The following PCDHGB4 variants were observed in gnomAD, a reference collection of about 807,000 sequenced individuals.
PCDHGB4 encodes the protein protocadherin gamma subfamily B, 4.
A neutral mutation model predicts 60.5 loss-of-function variants in PCDHGB4; 38 were observed. The ratio of observed to expected loss-of-function variants is 0.63; its 90% CI spans 0.48 to 0.82. The LOEUF is 0.82. PCDHGB4 is among the 40% of genes least tolerant of loss of function. PCDHGB4 has a pLI of 0.00. For missense variants in PCDHGB4, 1,109 were observed against 1,209.6 expected (o/e 0.92, Z 1.23); for synonymous variants, 456 against 509.7 (o/e 0.89, Z 1.42).
intron 1 of PCDHGB4, chr5:141,394,832 C>G: frequency 1.9e-6 from 3 of 1,613,828 alleles, no homozygotes; most frequent in Non-Finnish European, 2.5e-6. Context: ...AAGTCCTGAC[C>G]GAGTTGGGCA....
At chr5:141,444,471 G>A (rs929365899) in intron 1 of PCDHGB4, among the ~76,000 whole-genome samples, 1 of 151,876 alleles carries the variant, frequency 6.6e-6, no homozygotes, top group Non-Finnish European at 1.5e-5. Flanking sequence ...GCGCCCGGTC[G>A]CGTACTGGAT....
chr5:141,444,146 T>C (rs2098418879), intron 1 of PCDHGB4, among the ~76,000 whole-genome samples: 2 of 145,824 alleles, frequency 1.4e-5, no homozygotes, highest in South Asian at 4.3e-4. Flanking sequence ...CACTTGTGTG[T>C]ACTGGATTTT....
chr5:141,496,981 T>A (rs928774783), intron 2 of PCDHGB4, among the ~76,000 whole-genome samples: 1 of 150,304 alleles, frequency 6.7e-6, no homozygotes, highest in African/African-American at 2.5e-5. Context: ...AGGTCAGGGG[T>A]TTGAGACCAG....
chr5:141,404,630 C>T (rs1391155615), intron 1 of PCDHGB4: 1 of 1,614,154 alleles, frequency 6.2e-7, no homozygotes, highest in Admixed American at 1.7e-5. Flanking sequence ...TGACAATGCC[C>T]CAGAAATCCT....
At position 141,431,952 on chromosome 5, in the gene PCDHGB4, AC is replaced by A; in HGVS notation, c.2397+41672del. ...CTGCCCTTTAAATTAGAAAAATCTTACGGAAATTACTATAGTTTAGTCACAG... is the reference window on the plus strand; with the variant it reads ...CTGCCCTTTAAATTAGAAAAATCTTAGGAAATTACTATAGTTTAGTCACAG... On this transcript the variant is annotated intron_variant, in intron 1 of 3. Transcript: ENST00000519479. This position sits in a 1 kb window ranked among gnomAD's most constrained non-coding sequence, Gnocchi z 4.8. 1 of 1,614,166 alleles carries A rather than the reference AC, an allele frequency of 6.2e-7. No homozygotes were observed. The highest frequency in any genetic ancestry group is 1.1e-5 in the South Asian group (1 of 91,090).
intron 1 of PCDHGB4, chr5:141,479,313 G>C (rs926148640): frequency 2.0e-5 from 3 of 152,456 alleles, no homozygotes; most frequent in Non-Finnish European, 2.9e-5. Context: ...AAAACATAAA[G>C]TAGCCAGACT....
chr5:141,452,654 T>C (rs2098746449), intron 1 of PCDHGB4, among the ~76,000 whole-genome samples: 1 of 151,162 alleles, frequency 6.6e-6, no homozygotes, highest in Non-Finnish European at 1.5e-5. Context: ...ATTTGCTCCA[T>C]CCACTGCACT....
chr5:141,503,367 C>T (rs1038565489), intron 2 of PCDHGB4, among the ~76,000 whole-genome samples: 5 of 151,908 alleles, frequency 3.3e-5, no homozygotes, highest in African/African-American at 9.7e-5. Flanking sequence ...GAAGCGGAGG[C>T]AGGTGGATCA....
chr5:141,432,803 G>T lies in PCDHGB4; in HGVS notation c.2397+42522G>T, dbSNP rs751950423. 3 of 1,614,160 alleles carry T rather than the reference G, an allele frequency of 1.9e-6. No homozygotes were observed. The highest frequency in any genetic ancestry group is 2.2e-5 in the East Asian group (1 of 44,874). ...GGACCTCGGCAGCCTCGAGTCTCCA[G>T]CTAACTCTGAAACCTCAGACCTCAC... On this transcript the variant is annotated intron_variant, in intron 1 of 3. Coordinates refer to ENST00000519479, the MANE Select transcript of PCDHGB4 (RefSeq NM_003736.4). This position sits in a 1 kb window ranked among gnomAD's most constrained non-coding sequence, Gnocchi z 6.0.
intron 1 of PCDHGB4, chr5:141,395,542 TTG>T (rs55729045): frequency 0.047 from 8,055 of 172,168 alleles, 192 homozygotes; most frequent in African/African-American, 0.072. Flanking sequence ...TTGCTATTGT[TTG>T]TGTGTGTGTG....
In PCDHGB4 at chr5:141,511,032, G is replaced by A; in HGVS notation, c.2631G>A (p.Gln877=). 1.2e-6 allele frequency: 2 copies of A among 1,614,228 alleles called. No homozygotes were observed. The highest frequency in any genetic ancestry group is 2.2e-5 in the East Asian group (1 of 44,888). The change falls in exon 4 of 4, where the codon CAG becomes CAA. Residue 877 remains glutamine, a synonymous_variant. Transcript: ENST00000519479. Reference sequence around the variant, plus strand: ...GCTACGGACCCCAGTTCACCCTGCAGCACGTGCCCGACTACCGCCAGAATG... The same window carrying A: ...GCTACGGACCCCAGTTCACCCTGCAACACGTGCCCGACTACCGCCAGAATG... ...SARYGPQFTL[Q]HVPDYRQNVY...
intron 1 of PCDHGB4, among the ~76,000 whole-genome samples, chr5:141,482,329 T>C (rs1334833454): frequency 6.6e-6 from 1 of 152,160 alleles, no homozygotes; most frequent in Non-Finnish European, 1.5e-5. Context: ...ATAAAGAGAA[T>C]ATCTACTTTG....
chr5:141,398,711 C>T, intron 1 of PCDHGB4: 2 of 1,613,822 alleles, frequency 1.2e-6, no homozygotes, highest in South Asian at 1.1e-5. Context: ...CCGGAACTGG[C>T]ACTGGAGAAA....
At position 141,410,277 on chromosome 5, in the gene PCDHGB4, T is replaced by C. The variant is rs1461250700; in HGVS notation, c.2397+19996T>C. 2.5e-6 allele frequency: 4 copies of C among 1,614,014 alleles called. No homozygotes were observed. In the Admixed American group the frequency reaches 6.7e-5, roughly 27 times the overall value. ...CCCCAGGCTGAACTGCAGTTTTACC[T>C]GGTGGTGGCCTTGGCCTTAATCTCA... On this transcript the variant is annotated intron_variant, in intron 1 of 3. Transcript: ENST00000519479.
At chr5:141,443,166 C>G (rs914863821) in intron 1 of PCDHGB4, among the ~76,000 whole-genome samples, 1 of 152,124 alleles carries the variant, frequency 6.6e-6, no homozygotes, top group African/African-American at 2.4e-5. Flanking sequence ...ATTTCCCTAC[C>G]CATGTCCACT....
At position 141,432,686 on chromosome 5, in the gene PCDHGB4, G is replaced by T. The variant is rs2097528577; in HGVS notation, c.2397+42405G>T. ...CAGAGACGCGCTCAAGCAGAGCCTC[G>T]TAGTGGCCGTCCAGGACCACGGCCA... On this transcript the variant is annotated intron_variant, in intron 1 of 3. Transcript: ENST00000519479. The surrounding 1 kb of genome is among the most constrained non-coding windows in gnomAD (Gnocchi z 6.0). 6.2e-7 allele frequency: 1 copy of T among 1,613,922 alleles called. No individual in the cohort carries two copies. Among genetic ancestry groups the T allele is most frequent in the Non-Finnish European group, 8.5e-7 (1 of 1,179,968 alleles).
intron 1 of PCDHGB4, chr5:141,398,904 C>A (rs1487711986): frequency 3.1e-6 from 5 of 1,613,930 alleles, no homozygotes; most frequent in Non-Finnish European, 3.4e-6. Context: ...CACCAGGCAC[C>A]ACTGTGTTGC....
intron 1 of PCDHGB4, chr5:141,404,785 C>T (rs1028323734): frequency 1.9e-6 from 3 of 1,613,330 alleles, no homozygotes; most frequent in Admixed American, 1.7e-5. Context: ...TATTCAAGGC[C>T]AGTGAGCCAG....
At chr5:141,460,985 A>G (rs553462661) in intron 1 of PCDHGB4, among the ~76,000 whole-genome samples, 245 of 91,804 alleles carry the variant, frequency 2.7e-3, no homozygotes, top group Middle Eastern at 5.0e-3. Context: ...GTGTGTGTGT[A>G]TATATATATA....
Sources: allele counts gnomAD v4.1 joint callset (sites outside exome capture counted in the v4.1 genomes callset), GRCh38; gene constraint gnomAD v4.1.1; non-coding constraint Gnocchi (gnomAD v3.1); transcripts MANE v1.5; gene names NCBI Gene and HGNC (gene_info 2026-07-23, HGNC 2026-07-21).